FBXL17: variants seen among roughly 807,000 people sequenced by gnomAD.
FBXL17 encodes F-box/LRR-repeat protein 17.
A neutral mutation model predicts 66.2 loss-of-function variants in FBXL17; 22 were observed. The observed-to-expected ratio is 0.33, with a 90% CI of 0.24 to 0.47. The LOEUF is 0.47. FBXL17 is among the 20% of genes least tolerant of loss of function. The pLI, the probability that FBXL17 is intolerant of heterozygous loss-of-function variation, is 1.00. For missense variants in FBXL17, 878 were observed against 948.2 expected (o/e 0.93, Z 0.97); for synonymous variants, 474 against 400.5 (o/e 1.18, Z -2.19).
chr5:107,874,169 C>T (rs1010135199), intron 8 of FBXL17, among the ~76,000 whole-genome samples: 4 of 151,722 alleles, frequency 2.6e-5, no homozygotes, highest in Non-Finnish European at 5.9e-5. Context: ...TTAGTGAGTC[C>T]TAATGATTAA....
At chr5:107,916,116 G>A (rs1750118188) in intron 7 of FBXL17, among the ~76,000 whole-genome samples, 1 of 152,144 alleles carries the variant, frequency 6.6e-6, no homozygotes, top group Non-Finnish European at 1.5e-5. Flanking sequence ...CCACTGCTAG[G>A]CAGTGTACAT....
intron 7 of FBXL17, among the ~76,000 whole-genome samples, chr5:107,882,512 T>A (rs915040726): frequency 1.3e-5 from 2 of 152,226 alleles, no homozygotes; most frequent in African/African-American, 4.8e-5. Context: ...AAAAGTTCTC[T>A]ATGTACCAGT....
chr5:107,924,644 C>G (rs540126059), intron 7 of FBXL17, among the ~76,000 whole-genome samples: 5 of 152,280 alleles, frequency 3.3e-5, no homozygotes, highest in African/African-American at 1.2e-4. Context: ...TACCCAGCAT[C>G]TTTATACTCT....
At chr5:108,020,437 G>A (rs1754547177) in intron 7 of FBXL17, among the ~76,000 whole-genome samples, 1 of 151,836 alleles carries the variant, frequency 6.6e-6, no homozygotes, top group Admixed American at 6.6e-5. Flanking sequence ...GCATATAAAT[G>A]TATACCCTTT....
intron 4 of FBXL17, among the ~76,000 whole-genome samples, chr5:108,250,723 C>T (rs1173669333): frequency 6.6e-6 from 1 of 152,084 alleles, no homozygotes; most frequent in Non-Finnish European, 1.5e-5. Context: ...CTCTTACATT[C>T]TCCAAAGGCA....
chr5:107,882,638 A>G (rs1252527680), intron 7 of FBXL17, among the ~76,000 whole-genome samples: 1 of 152,198 alleles, frequency 6.6e-6, no homozygotes, highest in East Asian at 1.9e-4. Flanking sequence ...CTATTTTTGT[A>G]TAGAAGGAGC....
chr5:108,085,866 G>T (rs1197539103), intron 6 of FBXL17, among the ~76,000 whole-genome samples: 1 of 152,206 alleles, frequency 6.6e-6, no homozygotes, highest in East Asian at 1.9e-4. Context: ...AATGGCTGCA[G>T]TGATCCGAGA....
intron 5 of FBXL17, among the ~76,000 whole-genome samples, chr5:108,188,362 C>A (rs903380065): frequency 1.3e-5 from 2 of 152,200 alleles, no homozygotes; most frequent in African/African-American, 4.8e-5. Flanking sequence ...CCAGCTTCTT[C>A]TAAGGGCTAG....
At chr5:108,126,623 GTCTC>G (rs1750706697) in intron 6 of FBXL17, among the ~76,000 whole-genome samples, 1 of 63,804 alleles carries the variant, frequency 1.6e-5, no homozygotes, top group Admixed American at 1.6e-4. Flanking sequence ...TTATCTCTCT[GTCTC>G]TCTGTCTCTC....
chr5:107,897,575 C>T (rs1021041092), intron 7 of FBXL17, among the ~76,000 whole-genome samples: 22 of 152,090 alleles, frequency 1.4e-4, no homozygotes, highest in Admixed American at 1.3e-3. Context: ...ACCCAGAACT[C>T]CATGAGTTTA....
At chr5:107,905,584 C>T (rs1362630964) in intron 7 of FBXL17, among the ~76,000 whole-genome samples, 1 of 152,106 alleles carries the variant, frequency 6.6e-6, no homozygotes, top group East Asian at 1.9e-4. Flanking sequence ...CAAATACACT[C>T]AATTACAGAC....
In FBXL17 at chr5:108,088,776, TCTCA is replaced by T. The variant is rs544538563; in HGVS notation, c.1746-67779_1746-67776del. On this transcript the variant is annotated intron_variant, in intron 6 of 8. Coordinates refer to ENST00000542267, the MANE Select transcript of FBXL17 (RefSeq NM_001163315.3). ...ATCTTGGTCCAAGGCCTCTATCCCT[TCTCA>T]CTCTATTAGCAATCTCTGGTGTTCT... 2.1e-3 allele frequency among the ~76,000 whole-genome samples: 308 copies of T among 143,690 alleles called. 2 individuals are homozygous for T. Among genetic ancestry groups the T allele is most frequent in the African/African-American group, 7.1e-3 (280 of 39,476 alleles). 94.3% of individuals were successfully genotyped at this position (143,690 alleles called of 152,430 possible). A position where few individuals can be genotyped will look rare whatever the true frequency, so the allele number is the denominator to read the frequency against.
intron 4 of FBXL17, among the ~76,000 whole-genome samples, chr5:108,264,627 T>C (rs1756972664): frequency 6.6e-6 from 1 of 152,130 alleles, no homozygotes; most frequent in Non-Finnish European, 1.5e-5. Flanking sequence ...TTGAAATAAA[T>C]GAATTAGGAA....
intron 6 of FBXL17, among the ~76,000 whole-genome samples, chr5:108,067,207 G>C (rs1748146825): frequency 6.6e-6 from 1 of 152,038 alleles, no homozygotes; most frequent in South Asian, 2.1e-4. Context: ...TATGGGCTTT[G>C]TTAATGACCC....
chr5:108,358,451 T>C (rs1012331218), intron 3 of FBXL17, among the ~76,000 whole-genome samples: 3 of 152,136 alleles, frequency 2.0e-5, no homozygotes, highest in African/African-American at 7.2e-5. Flanking sequence ...GACTGGTTTT[T>C]TTTTCCTTTC....
chr5:107,880,474 C>G (rs1171590120), intron 8 of FBXL17: 2 of 993,862 alleles, frequency 2.0e-6, no homozygotes, highest in Admixed American at 5.7e-5. Flanking sequence ...GGCCTTCCAC[C>G]AGGACCTCTG....
At chr5:108,362,927 AC>A (rs1437266258) in intron 3 of FBXL17, among the ~76,000 whole-genome samples, 2 of 152,054 alleles carry the variant, frequency 1.3e-5, no homozygotes, top group Non-Finnish European at 2.9e-5. Context: ...AAAAAACAGA[AC>A]CCTGCAACAA....
intron 6 of FBXL17, among the ~76,000 whole-genome samples, chr5:108,035,466 A>T (rs1746806100): frequency 6.6e-6 from 1 of 152,122 alleles, no homozygotes; most frequent in Non-Finnish European, 1.5e-5. Context: ...TCCCAGGTTC[A>T]AGCAATTCTC....
chr5:108,114,320 T>C (rs1750155522), intron 6 of FBXL17, among the ~76,000 whole-genome samples: 1 of 152,196 alleles, frequency 6.6e-6, no homozygotes, highest in African/African-American at 2.4e-5. Flanking sequence ...GTTTATTCCA[T>C]TCAATTCCCT....
Sources: gnomAD v4.1 joint callset for allele counts (sites outside exome capture counted in the v4.1 genomes callset) on GRCh38, gnomAD v4.1.1 for gene constraint, MANE v1.5 for transcripts, NCBI Gene and HGNC (gene_info 2026-07-23, HGNC 2026-07-21) for gene names.